The following SEMA5A variants were observed in gnomAD, a reference collection of about 807,000 sequenced individuals.
SEMA5A encodes the protein semaphorin-5A.
In SEMA5A, 55 loss-of-function variants were observed where a neutral mutation model predicts 135.5. The observed-to-expected ratio is 0.41, with a 90% CI of 0.33 to 0.51. The LOEUF is 0.51. Ranked by LOEUF, SEMA5A falls within the 20% of genes least tolerant of loss-of-function variation. The probability of loss-of-function intolerance (pLI) is 0.37; values close to 1 mark genes in which losing one functional copy is unlikely to be tolerated. For missense variants in SEMA5A, 1,290 were observed against 1,419.9 expected, an observed-to-expected ratio of 0.91 and a Z score of 1.47; for synonymous variants, 580 against 546.5, an observed-to-expected ratio of 1.06 and a Z score of -0.85.
intron 1 of SEMA5A, among the ~76,000 whole-genome samples, chr5:9,485,154 A>G (rs1317598870): frequency 1.3e-5 from 2 of 152,018 alleles, no homozygotes; most frequent in Non-Finnish European, 2.9e-5. Flanking sequence ...CAGGGGAAAC[A>G]TGTGTGGAGC....
At chr5:9,173,450 T>G (rs964342933) in intron 11 of SEMA5A, among the ~76,000 whole-genome samples, 1 of 152,140 alleles carries the variant, frequency 6.6e-6, no homozygotes, top group Admixed American at 6.6e-5. Flanking sequence ...TTCTAAAGCC[T>G]GGGAAGTCCA....
chr5:9,090,672 C>A (rs939145900), intron 16 of SEMA5A, among the ~76,000 whole-genome samples: 5 of 152,150 alleles, frequency 3.3e-5, no homozygotes, highest in African/African-American at 1.2e-4. Flanking sequence ...CTACTTTATG[C>A]CAGGCACTGA....
intron 1 of SEMA5A, among the ~76,000 whole-genome samples, chr5:9,527,151 G>T (rs1737176972): frequency 6.6e-6 from 1 of 152,152 alleles, no homozygotes; most frequent in African/African-American, 2.4e-5. Flanking sequence ...AGTGGGAGGA[G>T]TGAGCACTTA....
rs67211847 is a variant in SEMA5A, at chr5:9,384,619, C to CATAGATAG, written c.-77-4604_-77-4597dup. 1.7e-3 allele frequency among the ~76,000 whole-genome samples: 146 copies of CATAGATAG among 85,814 alleles called. 8 individuals carry two copies. The highest frequency in any genetic ancestry group is 2.8e-3 in the East Asian group (7 of 2,514). 56.3% of individuals were successfully genotyped at this position (85,814 alleles called of 152,430 possible). ...AGATAGATAGATAGATAGATAGATA[C>CATAGATAG]ATAGATAGATAGATAGATAGATAGA... On this transcript the variant is annotated intron_variant, in intron 2 of 22. Transcript: ENST00000382496.
chr5:9,183,005 A>G (rs1365651168), intron 11 of SEMA5A, among the ~76,000 whole-genome samples: 1 of 151,986 alleles, frequency 6.6e-6, no homozygotes, highest in Non-Finnish European at 1.5e-5. Context: ...GAGCCTAGAA[A>G]CTCTACAGGG....
chr5:9,196,512 G>T (rs559098544), intron 10 of SEMA5A, among the ~76,000 whole-genome samples: 1 of 152,188 alleles, frequency 6.6e-6, no homozygotes, highest in Non-Finnish European at 1.5e-5. Flanking sequence ...CCAGTCGGTG[G>T]TGTTTTCTTA....
chr5:9,305,708 G>GTGTATATATATATA lies in SEMA5A; in HGVS notation c.270+12663_270+12664insTATATATATATACA, dbSNP rs1554017498. The stretch of plus-strand genomic sequence containing the variant: ...CAGTATATATACTGTGTGTGTGTGC[G>GTGTATATATATATA]TATATATATATATATATATTTACAC... On this transcript the variant is annotated intron_variant, in intron 5 of 22. Transcript: ENST00000382496. 7.3e-3 allele frequency among the ~76,000 whole-genome samples: 1,013 copies of GTGTATATATATATA among 139,068 alleles called. 16 individuals carry two copies. Among genetic ancestry groups the GTGTATATATATATA allele is most frequent in the Non-Finnish European group, 0.012 (792 of 65,068 alleles). The allele number at this position is 139,068 out of a possible 152,430, so 91.2% of individuals were successfully genotyped here. A position where few individuals can be genotyped will look rare whatever the true frequency, so the allele number is the denominator to read the frequency against.
chr5:9,237,947 T>G, intron 5 of SEMA5A, 57 bp from the exon 6 acceptor site: 1 of 1,539,890 alleles, frequency 6.5e-7, no homozygotes, highest in Non-Finnish European at 9.0e-7. Context: ...AAAGGGAAAA[T>G]ATAAACAAGG....
At chr5:9,453,790 T>TGATAAGAA in intron 1 of SEMA5A, among the ~76,000 whole-genome samples, 1 of 152,234 alleles carries the variant, frequency 6.6e-6, no homozygotes, top group South Asian at 2.1e-4. Flanking sequence ...ATGCTCTCAA[T>TGATAAGAA]GATAAGAAGA....
chr5:9,078,727 C>G (rs1407329657), intron 16 of SEMA5A, among the ~76,000 whole-genome samples: 1 of 152,062 alleles, frequency 6.6e-6, no homozygotes, highest in Non-Finnish European at 1.5e-5. Flanking sequence ...TAGGACCAAA[C>G]TGGCTCCATT....
Position 9,119,071 on chromosome 5 carries a change from G to C in SEMA5A, c.1852C>G (p.Arg618Gly). 6.2e-7 allele frequency: 1 copy of C among 1,613,596 alleles called. No homozygotes were observed. The highest frequency in any genetic ancestry group is 8.5e-7 in the Non-Finnish European group (1 of 1,179,886). Residue 618 changes from arginine to glycine, a missense_variant, in exon 15 of 23, where the codon CGG (arginine) becomes GGG (glycine). Physicochemically the swap from Arg to Gly is moderately radical, Grantham distance 125. Around this residue, in one of 3 missense-constraint regions of SEMA5A, gnomAD observed 1,029 missense variants for 1,086.6 expected, o/e 0.95. Transcript: ENST00000382496. ...GTGGGGTTGCTGCAGGAGCGCTGCC[G>C]CACCTGGAAGCCGATCCCACAGGTA... ...STTCGIGFQV[R>G]QRSCSNPTPR...
intron 2 of SEMA5A, among the ~76,000 whole-genome samples, chr5:9,400,901 C>T (rs867155767): frequency 6.6e-6 from 1 of 151,988 alleles, no homozygotes. Context: ...ATTTACATTA[C>T]CTAGAATTAT....
At chr5:9,505,601 T>C (rs1013046720) in intron 1 of SEMA5A, among the ~76,000 whole-genome samples, 2 of 151,876 alleles carry the variant, frequency 1.3e-5, no homozygotes, top group Non-Finnish European at 2.9e-5. Context: ...TTAGTCTCTC[T>C]CTTCCAGAAA....
At position 9,145,457 on chromosome 5, in the gene SEMA5A, T is replaced by C. The variant is rs139635949; in HGVS notation, c.1482-8836A>G. ...AACAGTTATCTCCTTAAGAATTCACTGGACTATGCAGCAAATAAAAATCTT... is the reference window on the plus strand; with the variant it reads ...AACAGTTATCTCCTTAAGAATTCACCGGACTATGCAGCAAATAAAAATCTT... On this transcript the variant is annotated intron_variant, in intron 12 of 22. Transcript: ENST00000382496. Among the ~76,000 whole-genome samples, 3 of 152,274 alleles carry C rather than the reference T, an allele frequency of 2.0e-5. No individual in the cohort carries two copies. In the East Asian group the frequency reaches 5.8e-4, roughly 29 times the overall value.
At chr5:9,242,757 CAT>C (rs1379711046) in intron 5 of SEMA5A, among the ~76,000 whole-genome samples, 1 of 152,046 alleles carries the variant, frequency 6.6e-6, no homozygotes, top group Non-Finnish European at 1.5e-5. Context: ...ACCCCAATAA[CAT>C]ATGGGAAAAT....
rs939576887 is a variant in SEMA5A at position 9,063,190 on chromosome 5, G to A, written c.2300-85C>T. 7.6e-6 allele frequency: 10 copies of A among 1,315,014 alleles called. 1 individual carries two copies. The Admixed American group carries it at 2.0e-4, about 26-fold the overall frequency. The allele number at this position is 1,315,014 out of a possible 1,614,324, so 81.5% of individuals were successfully genotyped here. A position where few individuals can be genotyped will look rare whatever the true frequency, so the allele number is the denominator to read the frequency against. On this transcript the variant is annotated intron_variant, in intron 17 of 22. Transcript: ENST00000382496. ...TGCTGACTTTCATTCTGTATCTGCT[G>A]TCTGCCTTATTTCTAGAACTACCCT...
intron 4 of SEMA5A, among the ~76,000 whole-genome samples, chr5:9,328,780 C>G (rs552981165): frequency 1.8e-4 from 28 of 152,224 alleles, no homozygotes; most frequent in African/African-American, 6.3e-4. Context: ...GTGATGCTCT[C>G]TCTCACAAAA....
intron 8 of SEMA5A, among the ~76,000 whole-genome samples, chr5:9,222,772 G>A (rs549601914): frequency 7.9e-5 from 12 of 152,322 alleles, no homozygotes; most frequent in Non-Finnish European, 1.6e-4. Flanking sequence ...CAATGGAAAA[G>A]GAGAATTCAC....
intron 1 of SEMA5A, among the ~76,000 whole-genome samples, chr5:9,510,300 C>T (rs759980679): frequency 1.7e-4 from 26 of 152,168 alleles, no homozygotes; most frequent in Admixed American, 6.5e-5. Context: ...AATAATACAA[C>T]AAACGTTTAT....
Sources: allele counts gnomAD v4.1 joint callset (sites outside exome capture counted in the v4.1 genomes callset), GRCh38; gene constraint gnomAD v4.1.1; regional missense constraint gnomAD v4.1.1; transcripts MANE v1.5; gene names NCBI Gene and HGNC (gene_info 2026-07-23, HGNC 2026-07-21).